RPS6KA5: variants seen among roughly 807,000 people sequenced by gnomAD.
RPS6KA5 encodes ribosomal protein S6 kinase A5.
RPS6KA5 carries 27 observed loss-of-function variants against 85.5 expected under a neutral mutation model. That is an observed-to-expected ratio of 0.32 (90% CI 0.23 to 0.44). The LOEUF (loss-of-function observed/expected upper bound fraction) is 0.44, where lower values mean the gene tolerates loss of function less well. Ranked by LOEUF, RPS6KA5 falls within the 20% of genes least tolerant of loss-of-function variation. The pLI, the probability that RPS6KA5 is intolerant of heterozygous loss-of-function variation, is 1.00. For synonymous variants in RPS6KA5, 334 were observed against 348.2 expected (o/e 0.96, Z 0.46); for missense variants, 811 against 980.9 (o/e 0.83, Z 2.31).
intron 1 of RPS6KA5, among the ~76,000 whole-genome samples, chr14:91,039,937 G>C (rs1298646529): frequency 6.6e-6 from 1 of 152,126 alleles, no homozygotes; most frequent in Non-Finnish European, 1.5e-5. Flanking sequence ...ACTGAACTTA[G>C]ACTATGGTAA....
rs199625173 is a variant in RPS6KA5, at chr14:91,035,847, C to CAAAA, written c.103+24481_103+24484dup. On this transcript the variant is annotated intron_variant, in intron 1 of 16. Coordinates refer to ENST00000614987, the MANE Select transcript of RPS6KA5 (RefSeq NM_004755.4). ...TTTCAGCTGATGAAACCCTCACCTT[C>CAAAA]AAAAAAAAAAAAAAAAAAAAAAAAA... Among the ~76,000 whole-genome samples, 147 of 69,820 alleles carry CAAAA rather than the reference C, an allele frequency of 2.1e-3. 1 individual carries two copies. The highest frequency in any genetic ancestry group is 3.0e-3 in the African/African-American group (44 of 14,864). 45.8% of individuals were successfully genotyped at this position (69,820 alleles called of 152,430 possible). A position where few individuals can be genotyped will look rare whatever the true frequency, so the allele number is the denominator to read the frequency against.
At chr14:90,951,590 T>TA (rs1433166448) in intron 3 of RPS6KA5, among the ~76,000 whole-genome samples, 2 of 152,174 alleles carry the variant, frequency 1.3e-5, no homozygotes, top group Admixed American at 6.5e-5. Context: ...GCAGTAGTAT[T>TA]AAAAAATGAC....
chr14:91,024,239 A>AT (rs1050251109), intron 1 of RPS6KA5, among the ~76,000 whole-genome samples: 1 of 151,040 alleles, frequency 6.6e-6, no homozygotes, highest in Non-Finnish European at 1.5e-5. Flanking sequence ...TGTCATTGTC[A>AT]TTTTTTTTCC....
chr14:91,019,092 G>A (rs113336370), intron 1 of RPS6KA5, among the ~76,000 whole-genome samples: 2 of 152,194 alleles, frequency 1.3e-5, no homozygotes, highest in African/African-American at 4.8e-5. Flanking sequence ...GCAGATTTAT[G>A]TCGGTGTTTT....
intron 1 of RPS6KA5, among the ~76,000 whole-genome samples, chr14:91,056,132 C>A (rs192354931): frequency 2.6e-5 from 4 of 152,302 alleles, no homozygotes; most frequent in African/African-American, 9.6e-5. Flanking sequence ...GTTGTTTAAG[C>A]CACTAAGGTT....
chr14:90,881,755 C>A (rs2033856866), intron 14 of RPS6KA5, among the ~76,000 whole-genome samples: 1 of 152,116 alleles, frequency 6.6e-6, no homozygotes, highest in South Asian at 2.1e-4. Flanking sequence ...CCTGCCTCGG[C>A]CTCCCAAAGT....
intron 1 of RPS6KA5, among the ~76,000 whole-genome samples, chr14:91,011,927 T>C (rs1159570149): frequency 6.6e-6 from 1 of 152,222 alleles, no homozygotes; most frequent in East Asian, 1.9e-4. Flanking sequence ...AAAAGTAACA[T>C]TGTAAGATTT....
In RPS6KA5 at chr14:91,020,534, CTGTGTGTGTGTGTGTGTGTGTGTG is replaced by C. The variant is rs34407471; in HGVS notation, c.104-19399_104-19376del. 1.9e-3 allele frequency among the ~76,000 whole-genome samples: 214 copies of C among 110,056 alleles called. 1 individual carries two copies. Among genetic ancestry groups the C allele is most frequent in the Middle Eastern group, 5.6e-3 (1 of 178 alleles). 72.2% of individuals were successfully genotyped at this position (110,056 alleles called of 152,430 possible). A position where few individuals can be genotyped will look rare whatever the true frequency, so the allele number is the denominator to read the frequency against. On this transcript the variant is annotated intron_variant, in intron 1 of 16. Transcript: ENST00000614987. ...ATCTCCTATGGATGCTAAGGAATGA[CTGTGTGTGTGTGTGTGTGTGTGTG>C]TGTGTGTGTGTGTGTGTGTGTGTGT... is the stretch of plus-strand genomic sequence containing the variant.
At chr14:90,956,739 CT>C (rs1239086332) in intron 3 of RPS6KA5, among the ~76,000 whole-genome samples, 8 of 151,550 alleles carry the variant, frequency 5.3e-5, no homozygotes, top group African/African-American at 1.9e-4. Flanking sequence ...ATCATAACAG[CT>C]TTGGGTTTAT....
Position 90,849,748 on chromosome 14 carries a change from A to C in RPS6KA5, c.*22326T>G, listed in dbSNP as rs1274893477. 6.6e-6 allele frequency: 1 copy of C among 152,242 alleles called. No homozygotes were observed. Among genetic ancestry groups the C allele is most frequent in the Non-Finnish European group, 1.5e-5 (1 of 68,044 alleles). 9.4% of individuals were successfully genotyped at this position (152,242 alleles called of 1,614,324 possible). ...CTTTATTGATGCTAATGTAGGGGTC[A>C]GCTAACAGTAACAAGCTACTACTAT... On this transcript the variant is annotated 3_prime_UTR_variant, in exon 17 of 17. Transcript: ENST00000614987.
intron 14 of RPS6KA5, among the ~76,000 whole-genome samples, chr14:90,888,200 T>C (rs1186936043): frequency 5.9e-5 from 9 of 152,150 alleles, no homozygotes; most frequent in Non-Finnish European, 1.2e-4. Flanking sequence ...ATTTGACAAT[T>C]AGATTTAGAG....
intron 1 of RPS6KA5, among the ~76,000 whole-genome samples, chr14:91,022,645 C>G (rs936962416): frequency 1.6e-4 from 24 of 152,180 alleles, no homozygotes; most frequent in African/African-American, 5.3e-4. Context: ...GATTCTGTTT[C>G]TGTGTGTTAC....
Position 90,871,548 on chromosome 14 carries a change from T to C in RPS6KA5, c.*526A>G. 1 of 151,882 alleles carries C rather than the reference T, an allele frequency of 6.6e-6. No homozygotes were observed. The highest frequency in any genetic ancestry group is 3.4e-3 in the Middle Eastern group (1 of 294). 9.4% of individuals were successfully genotyped at this position (151,882 alleles called of 1,614,324 possible). A position where few individuals can be genotyped will look rare whatever the true frequency, so the allele number is the denominator to read the frequency against. On this transcript the variant is annotated 3_prime_UTR_variant, in exon 17 of 17. Transcript: ENST00000614987. Reference sequence around the variant, plus strand: ...AATAATAGCAGGTTATCATCATATGTAACCATAAAATAAAAACAATAAGTT... The same window carrying C: ...AATAATAGCAGGTTATCATCATATGCAACCATAAAATAAAAACAATAAGTT...
intron 1 of RPS6KA5, among the ~76,000 whole-genome samples, chr14:91,050,323 G>C (rs2043021243): frequency 6.6e-6 from 1 of 152,106 alleles, no homozygotes; most frequent in African/African-American, 2.4e-5. Flanking sequence ...TGAAGCTGCG[G>C]TGAACTATTA....
chr14:90,982,676 G>A (rs533889680), intron 2 of RPS6KA5, among the ~76,000 whole-genome samples: 1 of 151,736 alleles, frequency 6.6e-6, no homozygotes, highest in African/African-American at 2.4e-5. Flanking sequence ...AAGATACTCT[G>A]TTAAGAAATA....
At chr14:91,030,696 A>AGTATAATTATCCTTAAGGAGGT (rs1216424785) in intron 1 of RPS6KA5, among the ~76,000 whole-genome samples, 1 of 150,320 alleles carries the variant, frequency 6.7e-6, no homozygotes, top group East Asian at 2.0e-4. Context: ...CTTCATAAAA[A>AGTATAATTATCCTTAAGGAGGT]GTATAATTAT....
Position 91,060,470 on chromosome 14 carries a change from AG to A in RPS6KA5, c.-37del. 7.3e-7 allele frequency: 1 copy of A among 1,378,686 alleles called. No homozygotes were observed. 85.4% of individuals were successfully genotyped at this position (1,378,686 alleles called of 1,614,324 possible). On this transcript the variant is annotated 5_prime_UTR_variant, in exon 1 of 17. Transcript: ENST00000614987. ...TTTTCCGATCCCGCGGGTCGCTACG[AG>A]GGGAACCCAGGAGACAGCGGACGCC...
In RPS6KA5 at chr14:90,854,974, T is replaced by C. The variant is rs1430503299; in HGVS notation, c.*17100A>G. On this transcript the variant is annotated 3_prime_UTR_variant, in exon 17 of 17. Coordinates refer to ENST00000614987, the MANE Select transcript of RPS6KA5 (RefSeq NM_004755.4). Reference sequence around the variant, plus strand: ...GTTAGAAACAATCTTATTTACATTTTCTATAAAAGTATTTTGAAGTTTTAA... The same window carrying C: ...GTTAGAAACAATCTTATTTACATTTCCTATAAAAGTATTTTGAAGTTTTAA... 2 of 152,234 alleles carry C rather than the reference T, an allele frequency of 1.3e-5. No individual in the cohort carries two copies. Among genetic ancestry groups the C allele is most frequent in the Non-Finnish European group, 2.9e-5 (2 of 68,040 alleles). The allele number at this position is 152,234 out of a possible 1,614,324, so 9.4% of individuals were successfully genotyped here.
intron 5 of RPS6KA5, among the ~76,000 whole-genome samples, chr14:90,924,654 CTTGATTA>C (rs1251152989): frequency 3.3e-5 from 5 of 152,286 alleles, no homozygotes; most frequent in African/African-American, 1.2e-4. Context: ...TGAAAATTTA[CTTGATTA>C]TGAACAAAAA....
Sources: allele counts gnomAD v4.1 joint callset (sites outside exome capture counted in the v4.1 genomes callset), GRCh38; gene constraint gnomAD v4.1.1; transcripts MANE v1.5; gene names NCBI Gene and HGNC (gene_info 2026-07-23, HGNC 2026-07-21).